The following GRIN2B variants were observed in gnomAD, a reference collection of about 807,000 sequenced individuals.
The protein encoded by GRIN2B is glutamate receptor ionotropic, NMDA 2B.
A neutral mutation model predicts 114.5 loss-of-function variants in GRIN2B; 5 were observed. The observed-to-expected ratio is 0.04, with a 90% confidence interval of 0.02 to 0.09. GRIN2B has a LOEUF of 0.09. Ranked by LOEUF, GRIN2B falls within the 10% of genes least tolerant of loss-of-function variation. GRIN2B has a pLI of 1.00. For missense variants in GRIN2B, 1,108 were observed against 1,943.5 expected, an observed-to-expected ratio of 0.57 and a Z score of 8.08; for synonymous variants, 787 against 745.1, an observed-to-expected ratio of 1.06 and a Z score of -0.92.
At position 13,954,627 on chromosome 12, in the gene GRIN2B, T is replaced by C. The variant is rs112093555; in HGVS notation, c.-19+25301A>G. ...GAGTTCAAGGCTAGCCTGGCCAACA[T>C]GGTGAAACACCATCTCTACCATAAA... On this transcript the variant is annotated intron_variant, in intron 2 of 13. Transcript: ENST00000609686. Among the ~76,000 whole-genome samples, 813 of 151,598 alleles carry C rather than the reference T, an allele frequency of 5.4e-3. 7 individuals are homozygous for C. The highest frequency in any genetic ancestry group is 0.019 in the African/African-American group (785 of 41,330).
intron 4 of GRIN2B, among the ~76,000 whole-genome samples, chr12:13,698,158 C>T (rs1950278073): frequency 6.6e-6 from 1 of 152,238 alleles, no homozygotes; most frequent in Admixed American, 6.5e-5. Context: ...GGATAACACA[C>T]ACTGCTGAGG....
At chr12:13,779,936 A>G (rs1397063318) in intron 3 of GRIN2B, among the ~76,000 whole-genome samples, 1 of 152,260 alleles carries the variant, frequency 6.6e-6, no homozygotes, top group African/African-American at 2.4e-5. Flanking sequence ...TAAAACGTCA[A>G]TAAATGTCAG....
chr12:13,888,112 T>G (rs1364045207), intron 2 of GRIN2B, among the ~76,000 whole-genome samples: 1 of 152,118 alleles, frequency 6.6e-6, no homozygotes, highest in Non-Finnish European at 1.5e-5. Context: ...ATGGACAGAA[T>G]GTAAAAAGAA....
At chr12:13,975,299 A>G (rs562220845) in intron 2 of GRIN2B, among the ~76,000 whole-genome samples, 70 of 152,348 alleles carry the variant, frequency 4.6e-4, no homozygotes, top group Non-Finnish European at 8.1e-4. Context: ...GGTTTACTGA[A>G]TTAGAATATG....
chr12:13,960,539 G>A (rs941342200), intron 2 of GRIN2B, among the ~76,000 whole-genome samples: 1 of 152,084 alleles, frequency 6.6e-6, no homozygotes, highest in Non-Finnish European at 1.5e-5. Flanking sequence ...AGAGGGTACT[G>A]GGGGCATGGA....
At chr12:13,838,930 G>C (rs901857457) in intron 3 of GRIN2B, among the ~76,000 whole-genome samples, 11 of 152,160 alleles carry the variant, frequency 7.2e-5, no homozygotes, top group Non-Finnish European at 1.6e-4. Context: ...CATGTTCACT[G>C]ACAACTGCCC....
chr12:13,836,920 A>G (rs1409923107), intron 3 of GRIN2B, among the ~76,000 whole-genome samples: 1 of 152,258 alleles, frequency 6.6e-6, no homozygotes, highest in East Asian at 1.9e-4. Flanking sequence ...GGAATGGAGA[A>G]TGCATTCTTC....
chr12:13,708,364 A>G lies in GRIN2B; in HGVS notation c.1011-32505T>C, dbSNP rs934505937. On this transcript the variant is annotated intron_variant, in intron 4 of 13. Transcript: ENST00000609686. ...ACCTGAGAGATTAAGAAAAGTCACC[A>G]GTGAGGCCACTCTAACGTCAAAGCC... Among the ~76,000 whole-genome samples the G allele has an allele frequency of 6.6e-5, 10 of 152,212 alleles. No individual in the cohort carries two copies. The East Asian group carries it at 1.9e-3, about 30-fold the overall frequency.
intron 2 of GRIN2B, among the ~76,000 whole-genome samples, chr12:13,903,487 GTTAT>G (rs989718526): frequency 6.6e-6 from 1 of 152,022 alleles, no homozygotes; most frequent in Non-Finnish European, 1.5e-5. Context: ...TTTAACACGA[GTTAT>G]TTATCCAAAA....
In GRIN2B at chr12:13,563,740, G is replaced by C. The variant is rs45600931; in HGVS notation, c.3498C>G (p.Ser1166=). 1 of 1,613,866 alleles carries C rather than the reference G, an allele frequency of 6.2e-7. No individual in the cohort carries two copies. Among genetic ancestry groups the C allele is most frequent in the Non-Finnish European group, 8.5e-7 (1 of 1,180,024 alleles). The change falls in exon 14 of 14, where the codon TCC becomes TCG. Residue 1166 remains serine, a synonymous_variant. Transcript: ENST00000609686. ...KERSDDFKRD[S]VSGGGPCTNR... ...TGGTACAGGGCCCTCCTCCGCTGAC[G>C]GAGTCGCGCTTAAAGTCATCACTCC...
At chr12:13,570,187 T>C (rs1205567493) in intron 11 of GRIN2B, among the ~76,000 whole-genome samples, 170 bp from the exon 12 acceptor site, 1 of 152,246 alleles carries the variant, frequency 6.6e-6, no homozygotes, top group African/African-American at 2.4e-5. Context: ...CCCAGGCTGT[T>C]CTTTATGTGC....
intron 2 of GRIN2B, among the ~76,000 whole-genome samples, chr12:13,898,024 A>G (rs570996507): frequency 1.3e-5 from 2 of 150,864 alleles, no homozygotes; most frequent in South Asian, 4.2e-4. Context: ...AAATAAATAA[A>G]TAAAAAAGAA....
intron 4 of GRIN2B, among the ~76,000 whole-genome samples, chr12:13,703,152 AG>A (rs1380606031): frequency 6.6e-6 from 1 of 152,214 alleles, no homozygotes; most frequent in African/African-American, 2.4e-5. Flanking sequence ...CTAATTGGGG[AG>A]GGTTTTTAGA....
At position 13,569,814 on chromosome 12, in the gene GRIN2B, C is replaced by CCTTT. The variant is rs768588788; in HGVS notation, c.2359+12_2359+15dup. The CCTTT allele has an allele frequency of 6.5e-6, 10 of 1,548,760 alleles. No homozygotes were observed. The African/African-American group carries it at 1.4e-4, about 21-fold the overall frequency. Reference sequence around the variant, plus strand: ...CAGTAGAGGACAAATGGGCACTTTCCCTTTCTTGAACTCACCATCTCCAAA... The same window carrying CCTTT: ...CAGTAGAGGACAAATGGGCACTTTCCCTTTCTTTCTTGAACTCACCATCTCCAAA... On this transcript the variant is annotated intron_variant, in intron 12 of 13. Coordinates refer to ENST00000609686, the MANE Select transcript of GRIN2B (RefSeq NM_000834.5).
intron 2 of GRIN2B, among the ~76,000 whole-genome samples, chr12:13,975,997 G>A (rs944445646): frequency 6.6e-6 from 1 of 152,206 alleles, no homozygotes; most frequent in Non-Finnish European, 1.5e-5. Flanking sequence ...AACAACTAAA[G>A]GTTCATAAAC....
chr12:13,978,322 G>A (rs980704869), intron 2 of GRIN2B, among the ~76,000 whole-genome samples: 11 of 152,222 alleles, frequency 7.2e-5, no homozygotes, highest in Admixed American at 7.2e-4. Context: ...GATAACCTCA[G>A]TCATTTGTAG....
At chr12:13,635,859 GTTC>G (rs1949661890) in intron 5 of GRIN2B, among the ~76,000 whole-genome samples, 1 of 152,118 alleles carries the variant, frequency 6.6e-6, no homozygotes, top group Non-Finnish European at 1.5e-5. Flanking sequence ...TAGAATATAA[GTTC>G]TTCTTTCGTT....
At chr12:13,597,263 A>G (rs1405502959) in intron 10 of GRIN2B, among the ~76,000 whole-genome samples, 1 of 152,232 alleles carries the variant, frequency 6.6e-6, no homozygotes, top group East Asian at 1.9e-4. Flanking sequence ...ACGGAATCTA[A>G]GGCCAATTTG....
At chr12:13,867,846 A>T (rs1332776171) in intron 2 of GRIN2B, among the ~76,000 whole-genome samples, 1 of 151,912 alleles carries the variant, frequency 6.6e-6, no homozygotes, top group Non-Finnish European at 1.5e-5. Context: ...AAAGAGAGAG[A>T]GCATACAATC....
Sources: allele counts gnomAD v4.1 joint callset (sites outside exome capture counted in the v4.1 genomes callset), GRCh38; gene constraint gnomAD v4.1.1; transcripts MANE v1.5; gene names NCBI Gene and HGNC (gene_info 2026-07-23, HGNC 2026-07-21).